PANX1: variants seen among roughly 807,000 people sequenced by gnomAD.
PANX1 encodes the protein pannexin 1.
PANX1 carries 30 observed loss-of-function variants against 38.7 expected under a neutral mutation model. The ratio of observed to expected loss-of-function variants is 0.78; its 90% CI spans 0.58 to 1.05. The LOEUF is 1.05. PANX1 is among the 50% of genes least tolerant of loss of function. The pLI is 0.00. For synonymous variants in PANX1, 230 were observed against 212.2 expected (o/e 1.08, Z -0.73); for missense variants, 551 against 517.2 (o/e 1.07, Z -0.63).
At chr11:94,178,249 A>T in intron 2 of PANX1, 120 bp from the exon 3 acceptor site, 1 of 736,116 alleles carries the variant, frequency 1.4e-6, no homozygotes, top group Non-Finnish European at 2.3e-6. Flanking sequence ...TTAGGTAATG[A>T]GCCCAATTTC....
intron 1 of PANX1, among the ~76,000 whole-genome samples, chr11:94,146,099 C>T (rs1041293999): frequency 4.6e-5 from 7 of 152,134 alleles, no homozygotes; most frequent in African/African-American, 7.2e-5. Context: ...AGAAAGTAGA[C>T]GACAAGCCCA....
chr11:94,179,560 T>C, intron 3 of PANX1, 42 bp from the exon 4 acceptor site: 1 of 1,467,222 alleles, frequency 6.8e-7, no homozygotes, highest in Non-Finnish European at 9.5e-7. Context: ...TTTGATGGTC[T>C]TGATGAGTGC....
intron 2 of PANX1, among the ~76,000 whole-genome samples, chr11:94,166,684 T>C (rs1326888325): frequency 6.6e-6 from 1 of 152,224 alleles, no homozygotes; most frequent in Non-Finnish European, 1.5e-5. Flanking sequence ...TTCTCATACC[T>C]GCATATTATA....
chr11:94,145,310 G>C (rs1946815663), intron 1 of PANX1, among the ~76,000 whole-genome samples: 1 of 152,012 alleles, frequency 6.6e-6, no homozygotes, highest in Non-Finnish European at 1.5e-5. Flanking sequence ...CCCCTTAATT[G>C]TGCAAGCATG....
At chr11:94,159,942 G>C (rs1419294084) in intron 2 of PANX1, among the ~76,000 whole-genome samples, 1 of 151,472 alleles carries the variant, frequency 6.6e-6, no homozygotes, top group Non-Finnish European at 1.5e-5. Context: ...TGTTCTCGTT[G>C]GTTTCAAAGA....
chr11:94,171,524 G>A (rs1947166954), intron 2 of PANX1, among the ~76,000 whole-genome samples: 1 of 151,594 alleles, frequency 6.6e-6, no homozygotes, highest in Non-Finnish European at 1.5e-5. Flanking sequence ...AGGGCAGTGA[G>A]GTAGTTGTGT....
At chr11:94,171,962 G>A (rs552701671) in intron 2 of PANX1, among the ~76,000 whole-genome samples, 1 of 150,962 alleles carries the variant, frequency 6.6e-6, no homozygotes, top group South Asian at 2.1e-4. Flanking sequence ...AATGCGGGAG[G>A]CAACTATTAG....
chr11:94,172,097 T>C (rs1167120122), intron 2 of PANX1, among the ~76,000 whole-genome samples: 1 of 151,722 alleles, frequency 6.6e-6, no homozygotes, highest in Non-Finnish European at 1.5e-5. Context: ...GAAACTTGGT[T>C]GGAGGAATCC....
At chr11:94,134,917 A>T (rs1410133339) in intron 1 of PANX1, among the ~76,000 whole-genome samples, 1 of 152,216 alleles carries the variant, frequency 6.6e-6, no homozygotes, top group Non-Finnish European at 1.5e-5. Context: ...TTCTTACAGC[A>T]GCCTGGTTGA....
At chr11:94,176,309 G>C (rs1947231665) in intron 2 of PANX1, among the ~76,000 whole-genome samples, 1 of 151,488 alleles carries the variant, frequency 6.6e-6, no homozygotes, top group Non-Finnish European at 1.5e-5. Flanking sequence ...ATTATTTTAT[G>C]CATTTAAAAA....
At chr11:94,129,612 G>C in intron 1 of PANX1, 119 bp downstream of exon 1, 1 of 881,116 alleles carries the variant, frequency 1.1e-6, no homozygotes, top group Non-Finnish European at 1.7e-6. Context: ...TGAGCGTCAG[G>C]AAGGGCAGTG....
intron 2 of PANX1, among the ~76,000 whole-genome samples, chr11:94,167,724 A>G (rs1001216034): frequency 6.6e-6 from 1 of 152,250 alleles, no homozygotes; most frequent in African/African-American, 2.4e-5. Context: ...GAAAACATTT[A>G]GTCACAGTTG....
chr11:94,178,816 T>C (rs1947267700), intron 3 of PANX1, among the ~76,000 whole-genome samples: 1 of 152,196 alleles, frequency 6.6e-6, no homozygotes, highest in Admixed American at 6.5e-5. Context: ...CTGTCAAGAC[T>C]CATTCCCTTG....
chr11:94,136,340 T>G (rs1421567726), intron 1 of PANX1, among the ~76,000 whole-genome samples: 1 of 152,230 alleles, frequency 6.6e-6, no homozygotes, highest in Non-Finnish European at 1.5e-5. Flanking sequence ...ATTGCAACTT[T>G]AAGTAGAACT....
In PANX1 at chr11:94,179,855, C is replaced by T. The variant is rs777143445; in HGVS notation, c.799C>T (p.Leu267Phe). ...STVPDQFQCK[L>F]IAVGIFQLLS... ...CGTGCCCGATCAGTTTCAGTGCAAA[C>T]TCATTGCCGTGGGCATCTTCCAGTT... Residue 267 changes from leucine (L) to phenylalanine (F), a missense_variant, in exon 4 of 5, where the codon CTC (leucine) becomes TTC (phenylalanine). By Grantham distance (22) the Leu-to-Phe change is conservative (BLOSUM62 0). Transcript: ENST00000227638. 1 of 1,614,122 alleles carries T rather than the reference C, an allele frequency of 6.2e-7. No homozygotes were observed. The highest frequency in any genetic ancestry group is 1.1e-5 in the South Asian group (1 of 91,070).
intron 1 of PANX1, among the ~76,000 whole-genome samples, chr11:94,135,068 G>A (rs1946672718): frequency 6.6e-6 from 1 of 152,176 alleles, no homozygotes; most frequent in Non-Finnish European, 1.5e-5. Flanking sequence ...TGCCTCATGT[G>A]GCACATATCC....
intron 1 of PANX1, among the ~76,000 whole-genome samples, chr11:94,144,231 C>A (rs1415467613): frequency 6.6e-6 from 1 of 152,126 alleles, no homozygotes; most frequent in Non-Finnish European, 1.5e-5. Context: ...TCTCCCTCCC[C>A]CATTTTTTTT....
chr11:94,146,727 C>T (rs1044640225), intron 1 of PANX1, among the ~76,000 whole-genome samples: 2 of 152,098 alleles, frequency 1.3e-5, no homozygotes, highest in Non-Finnish European at 2.9e-5. Flanking sequence ...ACATTAGGGT[C>T]GCAAATGACA....
Position 94,129,222 on chromosome 11 carries a change from C to A in PANX1, c.-91C>A. On this transcript the variant is annotated 5_prime_UTR_variant, in exon 1 of 5. Transcript: ENST00000227638. ...AGGCAAAGGGAAAGCGAAAGCCGCG[C>A]GCCCGGCCGGTGACTGGGTGAAGGC... 1.8e-6 allele frequency: 2 copies of A among 1,129,680 alleles called. No homozygotes were observed. Among genetic ancestry groups the A allele is most frequent in the Non-Finnish European group, 2.5e-6 (2 of 801,582 alleles). 70.0% of individuals were successfully genotyped at this position (1,129,680 alleles called of 1,614,324 possible). A position where few individuals can be genotyped will look rare whatever the true frequency, so the allele number is the denominator to read the frequency against.
Sources: allele counts gnomAD v4.1 joint callset (sites outside exome capture counted in the v4.1 genomes callset), GRCh38; gene constraint gnomAD v4.1.1; transcripts MANE v1.5; gene names NCBI Gene and HGNC (gene_info 2026-07-23, HGNC 2026-07-21).